ZSWIM6: variants seen among roughly 807,000 people sequenced by gnomAD.
The protein encoded by ZSWIM6 is zinc finger SWIM-type containing 6, also known as zinc finger SWIM domain-containing protein 6.
A neutral mutation model predicts 113.2 loss-of-function variants in ZSWIM6; 9 were observed. The observed-to-expected ratio is 0.08, with a 90% CI of 0.05 to 0.14. ZSWIM6 has a LOEUF of 0.14. Ranked by LOEUF, ZSWIM6 falls within the 10% of genes least tolerant of loss-of-function variation. ZSWIM6 has a pLI of 1.00. For missense variants in ZSWIM6, 1,162 were observed against 1,552.2 expected, an observed-to-expected ratio of 0.75 and a Z score of 4.22; for synonymous variants, 611 against 606.5, an observed-to-expected ratio of 1.01 and a Z score of -0.11.
chr5:61,370,134 A>G (rs1281400452), intron 1 of ZSWIM6, among the ~76,000 whole-genome samples: 1 of 152,224 alleles, frequency 6.6e-6, no homozygotes, highest in African/African-American at 2.4e-5. Context: ...CATCGAACAA[A>G]TTATGAAACA....
intron 12 of ZSWIM6, 84 bp from the exon 13 acceptor site, chr5:61,541,800 A>T: frequency 1.8e-6 from 2 of 1,092,336 alleles, no homozygotes; most frequent in Non-Finnish European, 2.7e-6. Flanking sequence ...GGTATGCCTT[A>T]TATGCCTTAT....
chr5:61,472,311 C>G lies in ZSWIM6; in HGVS notation c.677-370C>G, dbSNP rs1351980063. ...AAAAGGAGTAGAAAAAAGAAGAAAC[C>G]ACTGATCCCACTGATCTAGGGGATT... On this transcript the variant is annotated intron_variant, in intron 1 of 13. Coordinates refer to ENST00000252744, the MANE Select transcript of ZSWIM6 (RefSeq NM_020928.2). This position sits in a 1 kb window ranked among gnomAD's most constrained non-coding sequence, Gnocchi z 4.1. Among the ~76,000 whole-genome samples the G allele has an allele frequency of 6.6e-6, 1 of 152,040 alleles. No individual in the cohort carries two copies. Among genetic ancestry groups the G allele is most frequent in the African/African-American group, 2.4e-5 (1 of 41,386 alleles).
At chr5:61,516,543 A>ATG (rs1015807729) in intron 4 of ZSWIM6, among the ~76,000 whole-genome samples, 1 of 147,686 alleles carries the variant, frequency 6.8e-6, no homozygotes, top group Non-Finnish European at 1.5e-5. Context: ...TCTTATATAT[A>ATG]TATATAGTTT....
rs892361286 is a variant in ZSWIM6, at chr5:61,362,624, G to A, written c.676+29676G>A. 6.6e-5 allele frequency among the ~76,000 whole-genome samples: 10 copies of A among 152,102 alleles called. No homozygotes were observed. In the East Asian group the frequency reaches 1.9e-3, roughly 29 times the overall value. On this transcript the variant is annotated intron_variant, in intron 1 of 13. Transcript: ENST00000252744. ...AGTTTTGGTGCTTCATCCTCTATCT[G>A]CCCTCTAAATGTTGGTGTCCCTATC... is the stretch of plus-strand genomic sequence containing the variant.
Position 61,543,834 on chromosome 5 carries a change from C to G in ZSWIM6, c.3165C>G (p.Thr1055=). 6.4e-7 allele frequency: 1 copy of G among 1,551,914 alleles called. No individual in the cohort carries two copies. The highest frequency in any genetic ancestry group is 8.7e-7 in the Non-Finnish European group (1 of 1,147,032). Residue 1055 remains threonine, a synonymous_variant, in exon 14 of 14, where the codon ACC becomes ACG. Transcript: ENST00000252744. This position sits in a 1 kb window ranked among gnomAD's most constrained non-coding sequence, Gnocchi z 4.3. The part of the protein sequence containing the change: ...RAYKLATLAM[T]HLNLSYNQDT... ...ACAAGCTGGCCACCCTGGCCATGAC[C>G]CATCTCAACCTGAGCTACAATCAGG... is the stretch of plus-strand genomic sequence containing the variant.
At chr5:61,465,257 C>G (rs1434248823) in intron 1 of ZSWIM6, among the ~76,000 whole-genome samples, 2 of 152,136 alleles carry the variant, frequency 1.3e-5, no homozygotes, top group African/African-American at 4.8e-5. Flanking sequence ...AACCCCCTCC[C>G]CAACTGCCCA....
chr5:61,525,630 G>T (rs566462258), intron 5 of ZSWIM6, among the ~76,000 whole-genome samples, 170 bp from the exon 6 acceptor site: 1 of 152,178 alleles, frequency 6.6e-6, no homozygotes, highest in African/African-American at 2.4e-5. Flanking sequence ...GGGCTGACCT[G>T]CCTCTTAGTA....
Position 61,410,830 on chromosome 5 carries a change from A to C in ZSWIM6, c.677-61851A>C, listed in dbSNP as rs183726748. Among the ~76,000 whole-genome samples the C allele has an allele frequency of 3.3e-5, 5 of 152,354 alleles. No individual in the cohort carries two copies. In the East Asian group the frequency reaches 9.6e-4, roughly 29 times the overall value. On this transcript the variant is annotated intron_variant, in intron 1 of 13. Coordinates refer to ENST00000252744, the MANE Select transcript of ZSWIM6 (RefSeq NM_020928.2). ...AACATTGAATTAAGAATGAGGTATGAAGTGTGCTTAGTTTGCTAAGTCACC... is the reference window on the plus strand; with the variant it reads ...AACATTGAATTAAGAATGAGGTATGCAGTGTGCTTAGTTTGCTAAGTCACC...
At chr5:61,491,574 G>A (rs1400922437) in intron 3 of ZSWIM6, among the ~76,000 whole-genome samples, 2 of 151,884 alleles carry the variant, frequency 1.3e-5, no homozygotes, top group African/African-American at 2.4e-5. Context: ...TAATTTATCT[G>A]GGTCATAAGT....
intron 4 of ZSWIM6, among the ~76,000 whole-genome samples, chr5:61,505,870 C>T (rs1748604475): frequency 6.6e-6 from 1 of 151,668 alleles, no homozygotes; most frequent in African/African-American, 2.4e-5. Context: ...CCTCAGCTTC[C>T]TTAGTAGCTG....
chr5:61,386,052 A>G (rs1745586889), intron 1 of ZSWIM6, among the ~76,000 whole-genome samples: 1 of 152,226 alleles, frequency 6.6e-6, no homozygotes. Context: ...GAAATATTTG[A>G]GGCCTAATCT....
At chr5:61,528,714 A>G (rs1364384082) in intron 7 of ZSWIM6, among the ~76,000 whole-genome samples, 3 of 151,524 alleles carry the variant, frequency 2.0e-5, no homozygotes, top group African/African-American at 2.4e-5. Flanking sequence ...CAACCTCCCG[A>G]GTAGCTGGGA....
At chr5:61,489,490 C>T (rs966657384) in intron 2 of ZSWIM6, among the ~76,000 whole-genome samples, 1 of 152,002 alleles carries the variant, frequency 6.6e-6, no homozygotes, top group East Asian at 1.9e-4. Flanking sequence ...GACAAGCCCT[C>T]TTTAAAAAAT....
At chr5:61,522,080 G>GTTT (rs369447967) in intron 5 of ZSWIM6, among the ~76,000 whole-genome samples, 4 of 141,664 alleles carry the variant, frequency 2.8e-5, no homozygotes, top group Non-Finnish European at 4.7e-5. Flanking sequence ...TTTCTGTCCT[G>GTTT]TTTTTTTTGT....
intron 5 of ZSWIM6, among the ~76,000 whole-genome samples, 170 bp from the exon 6 acceptor site, chr5:61,525,630 G>A (rs566462258): frequency 6.6e-6 from 1 of 152,296 alleles, no homozygotes; most frequent in South Asian, 2.1e-4. Context: ...GGGCTGACCT[G>A]CCTCTTAGTA....
At chr5:61,368,349 A>C (rs1355903495) in intron 1 of ZSWIM6, among the ~76,000 whole-genome samples, 1 of 152,232 alleles carries the variant, frequency 6.6e-6, no homozygotes. Flanking sequence ...ACTCAGTTGA[A>C]ATAATTTAAA....
chr5:61,363,172 A>C (rs1171758587), intron 1 of ZSWIM6, among the ~76,000 whole-genome samples: 1 of 152,190 alleles, frequency 6.6e-6, no homozygotes, highest in Non-Finnish European at 1.5e-5. Flanking sequence ...GCCTGCAAGG[A>C]AGGTGTTTGA....
At chr5:61,476,554 T>C (rs1747711218) in intron 2 of ZSWIM6, among the ~76,000 whole-genome samples, 1 of 151,982 alleles carries the variant, frequency 6.6e-6, no homozygotes, top group Non-Finnish European at 1.5e-5. Flanking sequence ...TTAATGTTAA[T>C]GGCCCACCAA....
intron 9 of ZSWIM6, among the ~76,000 whole-genome samples, chr5:61,532,369 AT>A (rs1191491886): frequency 3.3e-5 from 5 of 152,102 alleles, no homozygotes; most frequent in African/African-American, 1.2e-4. Context: ...TATTTTTCAG[AT>A]TTTTTCCCCT....
Sources: gnomAD v4.1 joint callset for allele counts (sites outside exome capture counted in the v4.1 genomes callset) on GRCh38, gnomAD v4.1.1 for gene constraint, Gnocchi (gnomAD v3.1) non-coding constraint, MANE v1.5 for transcripts, NCBI Gene and HGNC (gene_info 2026-07-23, HGNC 2026-07-21) for gene names.